Variants in FAM13A observed in about 807,000 individuals in gnomAD.
FAM13A encodes family with sequence similarity 13 member A.
In FAM13A, 76 loss-of-function variants were observed where a neutral mutation model predicts 129.6. The observed-to-expected ratio is 0.59, with a 90% CI of 0.49 to 0.71. FAM13A has a LOEUF of 0.71. FAM13A is among the 30% of genes least tolerant of loss of function. The probability of loss-of-function intolerance (pLI) is 0.00; values close to 1 mark genes in which losing one functional copy is unlikely to be tolerated. For missense variants in FAM13A, 1,108 were observed against 1,249.3 expected, an observed-to-expected ratio of 0.89 and a Z score of 1.70; for synonymous variants, 443 against 449.9, an observed-to-expected ratio of 0.98 and a Z score of 0.20.
intron 1 of FAM13A, among the ~76,000 whole-genome samples, chr4:89,045,874 A>G (rs950620651): frequency 1.2e-4 from 19 of 152,048 alleles, no homozygotes; most frequent in African/African-American, 4.6e-4. Flanking sequence ...TAGTACAAAA[A>G]TTAGCTGGGC....
chr4:88,737,420 A>G, intron 21 of FAM13A, 52 bp downstream of exon 21: 1 of 1,455,396 alleles, frequency 6.9e-7, no homozygotes, highest in Non-Finnish European at 9.7e-7. Context: ...GGAGGGGAGG[A>G]GGGAGGGAAC....
chr4:88,868,265 C>T (rs1441170970), intron 6 of FAM13A, among the ~76,000 whole-genome samples: 1 of 152,136 alleles, frequency 6.6e-6, no homozygotes, highest in Non-Finnish European at 1.5e-5. Context: ...GACTCCATGC[C>T]CCCAAAAACT....
chr4:89,025,245 G>GTTGTTTT (rs1767781429), intron 2 of FAM13A, among the ~76,000 whole-genome samples: 7 of 61,364 alleles, frequency 1.1e-4, no homozygotes, highest in African/African-American at 3.3e-4. Context: ...TGGAATCATT[G>GTTGTTTT]TTTTTTTTTT....
chr4:89,018,085 T>A (rs902638961), intron 3 of FAM13A, among the ~76,000 whole-genome samples: 3 of 152,208 alleles, frequency 2.0e-5, no homozygotes, highest in Non-Finnish European at 4.4e-5. Context: ...CTTCTGGGAT[T>A]TTTCCTGTTG....
At chr4:88,741,725 A>G (rs1740303897) in intron 19 of FAM13A, among the ~76,000 whole-genome samples, 1 of 152,200 alleles carries the variant, frequency 6.6e-6, no homozygotes, top group South Asian at 2.1e-4. Flanking sequence ...CGTTCATTGG[A>G]ACATTTTGAA....
At chr4:89,014,997 A>G (rs891974774) in intron 3 of FAM13A, among the ~76,000 whole-genome samples, 1 of 152,196 alleles carries the variant, frequency 6.6e-6, no homozygotes, top group East Asian at 1.9e-4. Context: ...AGCAAGGAAC[A>G]GCCCTGAGAA....
chr4:89,003,092 T>G (rs1764480644), intron 3 of FAM13A, among the ~76,000 whole-genome samples: 1 of 151,418 alleles, frequency 6.6e-6, no homozygotes. Context: ...ACATAATGGG[T>G]AGAAAAAAGA....
At chr4:88,829,999 G>A (rs569325964) in intron 7 of FAM13A, among the ~76,000 whole-genome samples, 16 of 152,178 alleles carry the variant, frequency 1.1e-4, no homozygotes, top group African/African-American at 3.9e-4. Context: ...TCTCACCTGA[G>A]GTTTATATTT....
At chr4:88,757,539 G>C (rs998654) in intron 14 of FAM13A, among the ~76,000 whole-genome samples, 2 of 151,858 alleles carry the variant, frequency 1.3e-5, no homozygotes, top group African/African-American at 4.8e-5. Flanking sequence ...AGGTACTCAG[G>C]AATATATAAC....
intron 6 of FAM13A, among the ~76,000 whole-genome samples, chr4:88,893,530 G>A (rs567976945): frequency 1.3e-5 from 2 of 152,230 alleles, no homozygotes; most frequent in Non-Finnish European, 2.9e-5. Flanking sequence ...GGTTGAGACA[G>A]GAGAATGGCG....
At chr4:88,766,846 T>G (rs1745788640) in intron 13 of FAM13A, among the ~76,000 whole-genome samples, 1 of 152,226 alleles carries the variant, frequency 6.6e-6, no homozygotes, top group Non-Finnish European at 1.5e-5. Flanking sequence ...AGAAAAACTT[T>G]AATTCTTGAA....
rs761522422 is a variant in FAM13A at position 88,906,369 on chromosome 4, CAT to C, written c.843+8_843+9del. Reference sequence around the variant, plus strand: ...TTCACATGGTCGCCTACAGAGAAAACATAGTTTACCTTGGTTTTTGGAGGTGG... The same window carrying C: ...TTCACATGGTCGCCTACAGAGAAAACAGTTTACCTTGGTTTTTGGAGGTGG... On this transcript the variant is annotated splice_region_variant and intron_variant, in intron 6 of 23. Transcript: ENST00000264344. The C allele has an allele frequency of 5.9e-5, 92 of 1,571,304 alleles. 1 individual carries two copies. The African/African-American group carries it at 1.0e-3, about 17-fold the overall frequency.
chr4:88,971,059 T>C (rs1282346204), intron 4 of FAM13A, among the ~76,000 whole-genome samples: 2 of 152,004 alleles, frequency 1.3e-5, no homozygotes, highest in African/African-American at 4.8e-5. Flanking sequence ...ATACAAAAAA[T>C]TAGCCGGGCG....
intron 7 of FAM13A, among the ~76,000 whole-genome samples, chr4:88,829,943 G>A (rs1044171374): frequency 1.3e-5 from 2 of 152,134 alleles, no homozygotes; most frequent in African/African-American, 4.8e-5. Flanking sequence ...TATCCTTACT[G>A]ATATACATAT....
At chr4:88,856,071 C>A (rs1171323662) in intron 6 of FAM13A, 1 of 152,120 alleles carries the variant, frequency 6.6e-6, no homozygotes, top group Non-Finnish European at 1.5e-5. Flanking sequence ...TATTATGAGA[C>A]AGTATTGTTA....
At chr4:88,869,738 T>C (rs1168718571) in intron 6 of FAM13A, among the ~76,000 whole-genome samples, 1 of 152,268 alleles carries the variant, frequency 6.6e-6, no homozygotes, top group African/African-American at 2.4e-5. Context: ...TCTGAATTCT[T>C]GGATTCTAGT....
At chr4:88,870,417 G>A (rs1024684548) in intron 6 of FAM13A, among the ~76,000 whole-genome samples, 2 of 152,184 alleles carry the variant, frequency 1.3e-5, no homozygotes, top group Non-Finnish European at 2.9e-5. Context: ...GGAAAATTGG[G>A]TCACTCCTGC....
intron 8 of FAM13A, among the ~76,000 whole-genome samples, chr4:88,799,975 A>G (rs1484412741): frequency 6.6e-6 from 1 of 152,244 alleles, no homozygotes; most frequent in African/African-American, 2.4e-5. Context: ...TTCAGCCTTC[A>G]AAAGGAAGAA....
chr4:88,979,912 A>T (rs1337250824), intron 4 of FAM13A, among the ~76,000 whole-genome samples: 1 of 152,186 alleles, frequency 6.6e-6, no homozygotes. Flanking sequence ...TGGAAGTTGC[A>T]GTGAGTGGAA....
Sources: allele counts gnomAD v4.1 joint callset (sites outside exome capture counted in the v4.1 genomes callset), GRCh38; gene constraint gnomAD v4.1.1; transcripts MANE v1.5; gene names NCBI Gene and HGNC (gene_info 2026-07-23, HGNC 2026-07-21).